MAML3: variants seen among roughly 807,000 people sequenced by gnomAD.
The protein encoded by MAML3 is mastermind-like protein 3.
A neutral mutation model predicts 101.9 loss-of-function variants in MAML3; 27 were observed. That is an observed-to-expected ratio of 0.27 (90% confidence interval 0.20 to 0.37). The LOEUF is 0.37. Ranked by LOEUF, MAML3 falls within the 10% of genes least tolerant of loss-of-function variation. The pLI is 1.00. For missense variants in MAML3, 1,316 were observed against 1,444.9 expected, an observed-to-expected ratio of 0.91 and a Z score of 1.45; for synonymous variants, 501 against 555.9, an observed-to-expected ratio of 0.90 and a Z score of 1.39.
intron 2 of MAML3, among the ~76,000 whole-genome samples, chr4:139,742,817 G>A (rs1729209696): frequency 6.6e-6 from 1 of 152,198 alleles, no homozygotes; most frequent in Admixed American, 6.5e-5. Context: ...AACTTTTAGT[G>A]AGGAATAAAT....
intron 2 of MAML3, among the ~76,000 whole-genome samples, chr4:139,859,227 A>ATTTT (rs61061197): frequency 6.6e-5 from 9 of 135,524 alleles, no homozygotes; most frequent in African/African-American, 1.8e-4. Context: ...GTTCTACTAC[A>ATTTT]TTTTTTTTTT....
At position 139,889,841 on chromosome 4, in the gene MAML3, A is replaced by C; in HGVS notation, c.1595T>G (p.Phe532Cys). The change falls in exon 2 of 5, where the codon TTT becomes TGT. Residue 532 changes from phenylalanine (F) to cysteine (C), a missense_variant. By Grantham distance (205) the Phe-to-Cys change is radical. Transcript: ENST00000509479. ...GPPSSPYGAA[F>C]TAEKPNSPMM... ...TGGGCTATTTGGTTTTTCTGCAGTA[A>C]AAGCTGCTCCATATGGACTAGAGGG... 1 of 1,613,556 alleles carries C rather than the reference A, an allele frequency of 6.2e-7. No individual in the cohort carries two copies. The highest frequency in any genetic ancestry group is 8.5e-7 in the Non-Finnish European group (1 of 1,179,864).
chr4:139,782,608 C>G (rs1398308622), intron 2 of MAML3, among the ~76,000 whole-genome samples: 1 of 152,162 alleles, frequency 6.6e-6, no homozygotes, highest in Non-Finnish European at 1.5e-5. Flanking sequence ...AATAGACATG[C>G]TAAATGGAGG....
In MAML3 at chr4:140,099,461, C is replaced by T. The variant is rs936990768; in HGVS notation, c.468+53399G>A. 5.1e-4 allele frequency among the ~76,000 whole-genome samples: 78 copies of T among 152,050 alleles called. 1 individual carries two copies. The highest frequency in any genetic ancestry group is 5.0e-3 in the Admixed American group (77 of 15,278). ...CCACCCAGACTGGAATACAGTGGCA[C>T]CATCATAGCTCACTGCAGTCTCGAA... On this transcript the variant is annotated intron_variant, in intron 1 of 4. Transcript: ENST00000509479.
chr4:139,723,199 A>G (rs1307163837), intron 4 of MAML3, among the ~76,000 whole-genome samples: 6 of 152,268 alleles, frequency 3.9e-5, no homozygotes. Flanking sequence ...AAACCCATGT[A>G]CAGTACAATC....
intron 1 of MAML3, among the ~76,000 whole-genome samples, chr4:140,060,919 T>A (rs1052492931): frequency 1.3e-5 from 2 of 152,198 alleles, no homozygotes; most frequent in Non-Finnish European, 1.5e-5. Context: ...AGGTTCTAGC[T>A]GAAATTCAGC....
At position 139,913,359 on chromosome 4, in the gene MAML3, A is replaced by C. The variant is rs72931695; in HGVS notation, c.469-22392T>G. Among the ~76,000 whole-genome samples, 1,340 of 152,258 alleles carry C rather than the reference A, an allele frequency of 8.8e-3. 14 individuals carry two copies. Among genetic ancestry groups the C allele is most frequent in the African/African-American group, 0.031 (1,269 of 41,524 alleles). ...GATTATAATCCTAAGTATGGCTCTT[A>C]CTTCACCTGTAAAAGTCAAAGACAT... On this transcript the variant is annotated intron_variant, in intron 1 of 4. Coordinates refer to ENST00000509479, the MANE Select transcript of MAML3 (RefSeq NM_018717.5).
chr4:139,986,107 T>C (rs796603837), intron 1 of MAML3, among the ~76,000 whole-genome samples: 49 of 152,372 alleles, frequency 3.2e-4, no homozygotes, highest in African/African-American at 1.2e-3. Context: ...GCATGTGCTT[T>C]CTGCCTCCCA....
chr4:139,859,902 T>C (rs1731737067), intron 2 of MAML3, among the ~76,000 whole-genome samples: 1 of 152,168 alleles, frequency 6.6e-6, no homozygotes, highest in East Asian at 1.9e-4. Flanking sequence ...AGGGAAACCG[T>C]CTGTACGAGA....
At chr4:140,070,489 A>G (rs1307420263) in intron 1 of MAML3, among the ~76,000 whole-genome samples, 1 of 152,212 alleles carries the variant, frequency 6.6e-6, no homozygotes, top group Admixed American at 6.5e-5. Context: ...TAGAAGAACA[A>G]AAAGAGAAAA....
rs1365173205 is a variant in MAML3, at chr4:140,145,986, G to A, written c.468+6874C>T. ...CCTCCCAGGTTCAAGCAATTCCCCT[G>A]CCTCAGCCTCTCAAGTAGCTGGGAT... On this transcript the variant is annotated intron_variant, in intron 1 of 4. Coordinates refer to ENST00000509479, the MANE Select transcript of MAML3 (RefSeq NM_018717.5). Among the ~76,000 whole-genome samples, 5 of 139,436 alleles carry A rather than the reference G, an allele frequency of 3.6e-5. No individual in the cohort carries two copies. The East Asian group carries it at 8.6e-4, about 24-fold the overall frequency. The allele number at this position is 139,436 out of a possible 152,430, so 91.5% of individuals were successfully genotyped here.
At chr4:139,813,624 C>CT (rs2111114926) in intron 2 of MAML3, among the ~76,000 whole-genome samples, 1 of 152,226 alleles carries the variant, frequency 6.6e-6, no homozygotes, top group African/African-American at 2.4e-5. Flanking sequence ...CTCATGTACC[C>CT]TTTCTCAGGC....
chr4:139,869,786 G>A (rs897506851), intron 2 of MAML3, among the ~76,000 whole-genome samples: 1 of 152,210 alleles, frequency 6.6e-6, no homozygotes, highest in Non-Finnish European at 1.5e-5. Flanking sequence ...TTACCTTCTA[G>A]GAGATAAAAC....
intron 1 of MAML3, among the ~76,000 whole-genome samples, chr4:140,071,788 A>AGAGAGAGAGAGAGAGAGAGAGAGAGAG (rs1560884538): frequency 3.3e-5 from 5 of 149,562 alleles, no homozygotes; most frequent in South Asian, 2.1e-4. Context: ...AGAGAGAGAG[A>AGAGAGAGAGAGAGAGAGAGAGAGAGAG]AGGCACGCAT....
rs143958373 is a variant in MAML3, at chr4:139,861,961, C to A, written c.2079+27396G>T. On this transcript the variant is annotated intron_variant, in intron 2 of 4. Transcript: ENST00000509479. ...GCAGTGGCTCATCCTATAATCCCAG[C>A]ACTTTGGGAGGCTGAGGGGGGTGGA... 1.1e-3 allele frequency among the ~76,000 whole-genome samples: 168 copies of A among 152,222 alleles called. 2 individuals carry two copies. The East Asian group carries it at 0.028, about 25-fold the overall frequency.
At chr4:139,924,039 T>C (rs1449200428) in intron 1 of MAML3, among the ~76,000 whole-genome samples, 3 of 152,210 alleles carry the variant, frequency 2.0e-5, no homozygotes, top group Non-Finnish European at 1.5e-5. Context: ...GCAGAAACAT[T>C]TTAATTTCTT....
chr4:140,091,541 AACAAAAC>A (rs1420891252), intron 1 of MAML3, among the ~76,000 whole-genome samples: 11 of 138,332 alleles, frequency 8.0e-5, no homozygotes, highest in African/African-American at 2.8e-4. Context: ...ACAAAACAAA[AACAAAAC>A]AAAAAAAAAA....
chr4:139,976,905 C>T (rs1488500509), intron 1 of MAML3, among the ~76,000 whole-genome samples: 1 of 152,010 alleles, frequency 6.6e-6, no homozygotes, highest in Non-Finnish European at 1.5e-5. Context: ...GGTGTCACAT[C>T]CATTAAACAG....
rs373366595 is a variant in MAML3 at position 139,767,854 on chromosome 4, C to T, written c.2080-37187G>A. Among the ~76,000 whole-genome samples, 76 of 152,340 alleles carry T rather than the reference C, an allele frequency of 5.0e-4. 2 individuals carry two copies. In the South Asian group the frequency reaches 0.016, roughly 31 times the overall value. ...ATGACTCCAAAAAGGTTAAGAACCA[C>T]CACCTTTGACCACTTGGTTCCTCCT... On this transcript the variant is annotated intron_variant, in intron 2 of 4. Coordinates refer to ENST00000509479, the MANE Select transcript of MAML3 (RefSeq NM_018717.5).
Sources: allele counts gnomAD v4.1 joint callset (sites outside exome capture counted in the v4.1 genomes callset), GRCh38; gene constraint gnomAD v4.1.1; transcripts MANE v1.5; gene names NCBI Gene and HGNC (gene_info 2026-07-23, HGNC 2026-07-21).